UBR4: variants seen among roughly 807,000 people sequenced by gnomAD.
UBR4 encodes ubiquitin protein ligase E3 component n-recognin 4, also known as E3 ubiquitin-protein ligase UBR4.
In UBR4, 124 loss-of-function variants were observed where a neutral mutation model predicts 575.6. The ratio of observed to expected loss-of-function variants is 0.22; its 90% CI spans 0.19 to 0.25. The LOEUF is 0.25. Among genes scored for constraint, UBR4 ranks in the 10% least tolerant of loss-of-function variants. The pLI, the probability that UBR4 is intolerant of heterozygous loss-of-function variation, is 1.00. For missense variants in UBR4, 4,818 were observed against 6,478.8 expected, an observed-to-expected ratio of 0.74 and a Z score of 8.80; for synonymous variants, 2,455 against 2,473.7, an observed-to-expected ratio of 0.99 and a Z score of 0.22.
At chr1:19,140,676 G>C (rs1248403661) in intron 58 of UBR4, 112 bp downstream of exon 58, 5 of 1,103,814 alleles carry the variant, frequency 4.5e-6, no homozygotes, top group Non-Finnish European at 6.5e-6. Context: ...GGCAGAAGCA[G>C]GAAGTCCAGA....
rs760531548 is a variant in UBR4 at position 19,081,516 on chromosome 1, C to T, written c.15066G>A (p.Lys5022=). 1 of 1,614,024 alleles carries T rather than the reference C, an allele frequency of 6.2e-7. No individual in the cohort carries two copies. The highest frequency in any genetic ancestry group is 8.5e-7 in the Non-Finnish European group (1 of 1,180,016). ...KNLQGFLEQP[K]EKWVESAFEV... Reference sequence around the variant, plus strand: ...CAAAGGCACTCTCCACCCACTTCTCCTTGGGCTGTTCCAGAAAGCCTTGGA... The same window carrying T: ...CAAAGGCACTCTCCACCCACTTCTCTTTGGGCTGTTCCAGAAAGCCTTGGA... The change falls in exon 103 of 106, where the codon AAG becomes AAA. Residue 5022 remains lysine, a synonymous_variant. Transcript: ENST00000375254.
intron 102 of UBR4, chr1:19,081,820 C>A (rs1201962147): frequency 2.9e-6 from 2 of 691,066 alleles, no homozygotes; most frequent in Non-Finnish European, 5.4e-6. Flanking sequence ...TAGCTCCTAC[C>A]CCAGCTCTAA....
intron 55 of UBR4, among the ~76,000 whole-genome samples, chr1:19,142,984 C>T (rs575746997): frequency 3.8e-4 from 58 of 151,490 alleles, no homozygotes; most frequent in African/African-American, 1.4e-3. Flanking sequence ...TAGCTGGGCA[C>T]GGTGGCACGC....
In UBR4 at chr1:19,197,175, A is replaced by G. The variant is rs1297457898; in HGVS notation, c.984T>C (p.Asp328=). The G allele has an allele frequency of 6.2e-7, 1 of 1,614,086 alleles. No individual in the cohort carries two copies. Among genetic ancestry groups the G allele is most frequent in the Non-Finnish European group, 8.5e-7 (1 of 1,180,026 alleles). ...GACAACTTAGGCTGAGGACTGTCAC[A>G]TCTTGTAGACGAGAAGGATTGAGAG... The part of the protein sequence containing the change: ...LEPLNPSRLQ[D]VTVLSLSCLY... The change falls in exon 8 of 106, where the codon GAT becomes GAC. Residue 328 remains aspartate, a synonymous_variant. Coordinates refer to ENST00000375254, the MANE Select transcript of UBR4 (RefSeq NM_020765.3).
intron 92 of UBR4, 42 bp downstream of exon 92, chr1:19,096,481 T>A: frequency 6.2e-7 from 1 of 1,600,376 alleles, no homozygotes. Context: ...CCTCTCCCAG[T>A]GCAGAAAGGC....
At chr1:19,148,355 C>T (rs1208791092) in intron 50 of UBR4, among the ~76,000 whole-genome samples, 1 of 152,132 alleles carries the variant, frequency 6.6e-6, no homozygotes, top group African/African-American at 2.4e-5. Context: ...CTTGTACCAA[C>T]ACGCATCCTA....
At chr1:19,170,032 CGATT>C (rs371319916) in intron 26 of UBR4, among the ~76,000 whole-genome samples, 48 of 152,254 alleles carry the variant, frequency 3.2e-4, no homozygotes, top group African/African-American at 1.1e-3. Flanking sequence ...AAAATACAAA[CGATT>C]GATTGTAAAT....
chr1:19,183,513 G>A (rs558785549), intron 17 of UBR4, among the ~76,000 whole-genome samples: 2 of 152,198 alleles, frequency 1.3e-5, no homozygotes, highest in Non-Finnish European at 2.9e-5. Context: ...CCTGAGGTCA[G>A]GAGTTTGAGA....
At chr1:19,201,648 C>T in intron 2 of UBR4, 70 bp downstream of exon 2, 1 of 1,373,338 alleles carries the variant, frequency 7.3e-7, no homozygotes, top group Non-Finnish European at 1.0e-6. Context: ...TTCAGATACA[C>T]TAACGAGAGG....
In UBR4 at chr1:19,157,406, C is replaced by A. The variant is rs182752855; in HGVS notation, c.5760+409G>T. On this transcript the variant is annotated intron_variant, in intron 40 of 105. Transcript: ENST00000375254. This position sits in a 1 kb window ranked among gnomAD's most constrained non-coding sequence, Gnocchi z 4.4. ...AATACAAACTTACTTATGTGCTTAACAGAGCTGGGATGGCACGGCAGCACT... is the reference window on the plus strand; with the variant it reads ...AATACAAACTTACTTATGTGCTTAAAAGAGCTGGGATGGCACGGCAGCACT... 1.5e-4 allele frequency among the ~76,000 whole-genome samples: 23 copies of A among 152,310 alleles called. No homozygotes were observed. Among genetic ancestry groups the A allele is most frequent in the Admixed American group, 3.3e-4 (5 of 15,304 alleles).
intron 31 of UBR4, 69 bp downstream of exon 31, chr1:19,165,180 A>C: frequency 6.7e-7 from 1 of 1,502,356 alleles, no homozygotes; most frequent in Non-Finnish European, 9.2e-7. Flanking sequence ...AAACTCAGGC[A>C]GAAGATATGC....
intron 35 of UBR4, 26 bp from the exon 36 acceptor site, chr1:19,161,923 T>C (rs1488881132): frequency 1.9e-6 from 3 of 1,613,242 alleles, no homozygotes; most frequent in Non-Finnish European, 2.5e-6. Flanking sequence ...GTCTTTTTAA[T>C]TCGAAATATA....
At position 19,090,182 on chromosome 1, in the gene UBR4, C is replaced by T. The variant is rs756154013; in HGVS notation, c.14212-1205G>A. 1.6e-4 allele frequency among the ~76,000 whole-genome samples: 25 copies of T among 152,202 alleles called. 1 individual carries two copies. Among genetic ancestry groups the T allele is most frequent in the African/African-American group, 5.3e-4 (22 of 41,454 alleles). The stretch of plus-strand genomic sequence containing the variant: ...ATTCATTCAGCTTCTTAGCTTCTCA[C>T]GTTCGGTCACTCTCCAAATCCCATT... On this transcript the variant is annotated intron_variant, in intron 97 of 105. Transcript: ENST00000375254.
chr1:19,086,919 C>A lies in UBR4; in HGVS notation c.14545-98G>T. The A allele has an allele frequency of 3.9e-6, 6 of 1,520,672 alleles. No homozygotes were observed. The Middle Eastern group carries it at 9.2e-4, about 233-fold the overall frequency. 94.2% of individuals were successfully genotyped at this position (1,520,672 alleles called of 1,614,324 possible). On this transcript the variant is annotated intron_variant, in intron 99 of 105. Coordinates refer to ENST00000375254, the MANE Select transcript of UBR4 (RefSeq NM_020765.3). ...GAACTGCCGCCCTTCTTGGGCAATG[C>A]CTTGGGTTTCAGGTTGCTCTCACTA...
chr1:19,209,866 G>A (rs890762080), intron 1 of UBR4, among the ~76,000 whole-genome samples: 8 of 152,340 alleles, frequency 5.3e-5, no homozygotes, highest in African/African-American at 9.6e-5. Flanking sequence ...TTGCTCGAGA[G>A]GGGAAACTGA....
At chr1:19,105,350 C>G (rs1329400663) in intron 84 of UBR4, among the ~76,000 whole-genome samples, 161 bp from the exon 85 acceptor site, 1 of 152,180 alleles carries the variant, frequency 6.6e-6, no homozygotes, top group Non-Finnish European at 1.5e-5. Context: ...CCAATTCCCA[C>G]ATGGGAATTT....
intron 31 of UBR4, 32 bp downstream of exon 31, chr1:19,165,217 C>T (rs943341221): frequency 1.3e-6 from 2 of 1,589,550 alleles, no homozygotes; most frequent in Admixed American, 1.7e-5. Context: ...ATCAAAGTTC[C>T]CATAAGAAGA....
chr1:19,134,782 C>T lies in UBR4; in HGVS notation c.8906+3225G>A, dbSNP rs114139595. 6.8e-3 allele frequency among the ~76,000 whole-genome samples: 1,032 copies of T among 152,080 alleles called. 3 individuals are homozygous for T. Among genetic ancestry groups the T allele is most frequent in the South Asian group, 0.026 (126 of 4,816 alleles). ...CAGAAGAACCACAGAAGGCTATACCCTCATTTTAAAAGTAAACTGTAATAC... is the reference window on the plus strand; with the variant it reads ...CAGAAGAACCACAGAAGGCTATACCTTCATTTTAAAAGTAAACTGTAATAC... On this transcript the variant is annotated intron_variant, in intron 60 of 105. Coordinates refer to ENST00000375254, the MANE Select transcript of UBR4 (RefSeq NM_020765.3).
chr1:19,088,879 G>A lies in UBR4; in HGVS notation c.14310C>T (p.Ala4770=), dbSNP rs1413678699. The change falls in exon 98 of 106, where the codon GCC becomes GCT. Residue 4770 remains alanine, a synonymous_variant. Transcript: ENST00000375254. The surrounding 1 kb of genome is among the most constrained non-coding windows in gnomAD (Gnocchi z 4.0). ...TGTTTACGTCAGGGTGTTCCCGCAGGGCTTCCAGCAGGTTCTCTGCCAAGG... is the reference window on the plus strand; with the variant it reads ...TGTTTACGTCAGGGTGTTCCCGCAGAGCTTCCAGCAGGTTCTCTGCCAAGG... The part of the protein sequence containing the change: ...IGTLAENLLE[A]LREHPDVNKK... 1.2e-6 allele frequency: 2 copies of A among 1,614,148 alleles called. No individual in the cohort carries two copies. Among genetic ancestry groups the A allele is most frequent in the Non-Finnish European group, 1.7e-6 (2 of 1,180,018 alleles).
Sources: allele counts gnomAD v4.1 joint callset (sites outside exome capture counted in the v4.1 genomes callset), GRCh38; gene constraint gnomAD v4.1.1; non-coding constraint Gnocchi (gnomAD v3.1); transcripts MANE v1.5; gene names NCBI Gene and HGNC (gene_info 2026-07-23, HGNC 2026-07-21).